The following PRKCA variants were observed in gnomAD, a reference collection of about 807,000 sequenced individuals.
The protein encoded by PRKCA is protein kinase C alpha type.
A neutral mutation model predicts 87.0 loss-of-function variants in PRKCA; 27 were observed. The observed-to-expected ratio is 0.31, with a 90% confidence interval of 0.23 to 0.43. The LOEUF is 0.43. Ranked by LOEUF, PRKCA falls within the 20% of genes least tolerant of loss-of-function variation. The probability of loss-of-function intolerance (pLI) is 1.00; values close to 1 mark genes in which losing one functional copy is unlikely to be tolerated. For missense variants in PRKCA, 518 were observed against 852.3 expected (o/e 0.61, Z 4.88); for synonymous variants, 329 against 311.1 (o/e 1.06, Z -0.61).
intron 2 of PRKCA, among the ~76,000 whole-genome samples, chr17:66,455,900 C>T (rs1317905949): frequency 2.0e-5 from 3 of 152,088 alleles, no homozygotes; most frequent in East Asian, 1.9e-4. Context: ...AATTCATGCT[C>T]GTCCAGAACC....
At chr17:66,512,248 C>T (rs1490140062) in intron 3 of PRKCA, among the ~76,000 whole-genome samples, 1 of 152,110 alleles carries the variant, frequency 6.6e-6, no homozygotes, top group African/African-American at 2.4e-5. Flanking sequence ...GTATACCCAG[C>T]CTGGCCAACA....
intron 3 of PRKCA, among the ~76,000 whole-genome samples, chr17:66,621,858 A>G (rs1037215370): frequency 2.6e-5 from 4 of 152,232 alleles, no homozygotes; most frequent in Non-Finnish European, 5.9e-5. Context: ...AAGCCATAGC[A>G]GGATTTTGCA....
chr17:66,349,418 A>G (rs1907598525), intron 2 of PRKCA, among the ~76,000 whole-genome samples: 2 of 152,096 alleles, frequency 1.3e-5, no homozygotes, highest in African/African-American at 4.8e-5. Context: ...ACCAGTAGCC[A>G]ACACTAAACC....
intron 3 of PRKCA, chr17:66,554,422 A>G (rs1968435244): frequency 2.4e-6 from 1 of 423,476 alleles, no homozygotes; most frequent in African/African-American, 2.2e-5. Context: ...CAATCACGCT[A>G]TGACACGTTT....
chr17:66,616,415 A>G (rs1024117294), intron 3 of PRKCA, among the ~76,000 whole-genome samples: 3 of 152,188 alleles, frequency 2.0e-5, no homozygotes, highest in African/African-American at 7.2e-5. Context: ...AGTGAGGTGC[A>G]ATGGTGAAGG....
intron 3 of PRKCA, among the ~76,000 whole-genome samples, chr17:66,571,891 A>G (rs57238485): frequency 0.13 from 19,494 of 152,072 alleles, 1,311 homozygotes; most frequent in Middle Eastern, 0.21. Context: ...AAGCCAGATA[A>G]CTATTACTCT....
At chr17:66,677,075 T>TTTTATTGATTTATTTA (rs1555634535) in intron 5 of PRKCA, 1 of 144,486 alleles carries the variant, frequency 6.9e-6, no homozygotes, top group African/African-American at 2.6e-5. Flanking sequence ...CACAGCTTAT[T>TTTTATTGATTTATTTA]TTTATTTATT....
At chr17:66,674,608 C>T (rs544054438) in intron 5 of PRKCA, among the ~76,000 whole-genome samples, 1 of 152,278 alleles carries the variant, frequency 6.6e-6, no homozygotes, top group African/African-American at 2.4e-5. Context: ...CGGAGCGTCA[C>T]TGACATTTAG....
Position 66,587,513 on chromosome 17 carries a change from C to T in PRKCA, c.289-53842C>T, listed in dbSNP as rs1045296285. Among the ~76,000 whole-genome samples the T allele has an allele frequency of 2.6e-5, 4 of 151,902 alleles. No individual in the cohort carries two copies. The South Asian group carries it at 6.2e-4, about 24-fold the overall frequency. On this transcript the variant is annotated intron_variant, in intron 3 of 16. Transcript: ENST00000413366. ...TTATATATGATGACAGTAATTGGTTCGTTTTCCTAATGGAGGACAGCTAGA... is the reference window on the plus strand; with the variant it reads ...TTATATATGATGACAGTAATTGGTTTGTTTTCCTAATGGAGGACAGCTAGA...
chr17:66,742,214 A>C (rs1486484088), intron 12 of PRKCA, among the ~76,000 whole-genome samples: 5 of 152,248 alleles, frequency 3.3e-5, no homozygotes, highest in Non-Finnish European at 7.3e-5. Flanking sequence ...GCAGAATGGA[A>C]GGGACATGTG....
chr17:66,497,356 G>A (rs1176035833), intron 3 of PRKCA, among the ~76,000 whole-genome samples: 1 of 152,004 alleles, frequency 6.6e-6, no homozygotes, highest in Non-Finnish European at 1.5e-5. Context: ...AATTAGCTGG[G>A]CGTGGTGGCG....
At chr17:66,690,241 C>G (rs1376227012) in intron 8 of PRKCA, among the ~76,000 whole-genome samples, 1 of 152,126 alleles carries the variant, frequency 6.6e-6, no homozygotes, top group Admixed American at 6.5e-5. Context: ...GGCAGGGGCT[C>G]TTTGGTTAGA....
intron 2 of PRKCA, among the ~76,000 whole-genome samples, chr17:66,387,077 T>C (rs188845412): frequency 6.6e-6 from 1 of 152,348 alleles, no homozygotes; most frequent in East Asian, 1.9e-4. Context: ...GATATTTGCA[T>C]ATGGGCAGGT....
At chr17:66,509,223 A>G (rs1917117662) in intron 3 of PRKCA, among the ~76,000 whole-genome samples, 2 of 151,390 alleles carry the variant, frequency 1.3e-5, no homozygotes, top group African/African-American at 4.9e-5. Context: ...GAGATTTAAT[A>G]TAAGATGTTG....
At chr17:66,578,011 GC>G (rs1969293923) in intron 3 of PRKCA, among the ~76,000 whole-genome samples, 2 of 151,836 alleles carry the variant, frequency 1.3e-5, no homozygotes, top group Admixed American at 1.3e-4. Flanking sequence ...TGTGTCATGC[GC>G]CCCCTCCACC....
chr17:66,645,574 A>G, intron 5 of PRKCA, 63 bp downstream of exon 5: 2 of 1,599,090 alleles, frequency 1.3e-6, no homozygotes, highest in Middle Eastern at 1.7e-4. Context: ...TTACACTGAT[A>G]TTAAGGCAGG....
chr17:66,385,708 G>T (rs758373629), intron 2 of PRKCA, among the ~76,000 whole-genome samples: 4 of 152,214 alleles, frequency 2.6e-5, no homozygotes, highest in African/African-American at 9.6e-5. Flanking sequence ...CAACATAGAC[G>T]CTGCCTCTAC....
At chr17:66,393,802 G>A (rs1399298365) in intron 2 of PRKCA, among the ~76,000 whole-genome samples, 1 of 152,096 alleles carries the variant, frequency 6.6e-6, no homozygotes, top group Non-Finnish European at 1.5e-5. Flanking sequence ...GGCTGGGCGT[G>A]GTGGCTCACT....
chr17:66,795,823 T>A (rs1975652822), intron 16 of PRKCA, among the ~76,000 whole-genome samples: 1 of 152,232 alleles, frequency 6.6e-6, no homozygotes, highest in Non-Finnish European at 1.5e-5. Context: ...GGAGTACATG[T>A]TTTTATTCCA....
Sources: allele counts gnomAD v4.1 joint callset (sites outside exome capture counted in the v4.1 genomes callset), GRCh38; gene constraint gnomAD v4.1.1; transcripts MANE v1.5; gene names NCBI Gene and HGNC (gene_info 2026-07-23, HGNC 2026-07-21).